The following WBP1L variants were observed in gnomAD, a reference collection of about 807,000 sequenced individuals.
The protein encoded by WBP1L is WW domain binding protein 1-like.
A neutral mutation model predicts 33.7 loss-of-function variants in WBP1L; 17 were observed. The ratio of observed to expected loss-of-function variants is 0.50; its 90% CI spans 0.34 to 0.76. The LOEUF is 0.76. Ranked by LOEUF, WBP1L falls within the 30% of genes least tolerant of loss-of-function variation. The pLI is 0.01. For missense variants in WBP1L, 389 were observed against 469.4 expected (o/e 0.83, Z 1.58); for synonymous variants, 173 against 190.8 (o/e 0.91, Z 0.77).
chr10:102,757,379 C>A (rs533819971), intron 1 of WBP1L, among the ~76,000 whole-genome samples: 2 of 152,280 alleles, frequency 1.3e-5, no homozygotes, highest in Admixed American at 6.5e-5. Context: ...GTGATGGGGT[C>A]ACCGCCAAGG....
intron 1 of WBP1L, among the ~76,000 whole-genome samples, chr10:102,766,533 G>A (rs1020014688): frequency 1.3e-4 from 20 of 151,760 alleles, no homozygotes; most frequent in African/African-American, 4.8e-4. Context: ...GAGGTGGGAG[G>A]ATTGCTTGTG....
chr10:102,788,113 G>A (rs192502448), intron 1 of WBP1L, among the ~76,000 whole-genome samples: 3 of 148,228 alleles, frequency 2.0e-5, no homozygotes, highest in South Asian at 2.1e-4. Context: ...CAGGGAGAAC[G>A]TGATCTTAAC....
At chr10:102,772,307 C>T (rs1308913913) in intron 1 of WBP1L, among the ~76,000 whole-genome samples, 8 of 127,148 alleles carry the variant, frequency 6.3e-5, no homozygotes, top group Non-Finnish European at 1.1e-4. Flanking sequence ...GTCGCCCAGG[C>T]TGGAGTGCAG....
At chr10:102,805,511 T>C (rs1843719257) in intron 2 of WBP1L, among the ~76,000 whole-genome samples, 1 of 151,830 alleles carries the variant, frequency 6.6e-6, no homozygotes, top group Non-Finnish European at 1.5e-5. Flanking sequence ...AATCCTCTCA[T>C]CTCAGCCTCC....
chr10:102,764,845 C>T (rs2134034216), intron 1 of WBP1L, among the ~76,000 whole-genome samples: 1 of 152,242 alleles, frequency 6.6e-6, no homozygotes, highest in South Asian at 2.1e-4. Flanking sequence ...CCAGCCAGAC[C>T]TTATTAACTT....
intron 2 of WBP1L, among the ~76,000 whole-genome samples, chr10:102,807,436 G>T (rs1468029849): frequency 2.0e-5 from 3 of 152,018 alleles, no homozygotes; most frequent in Non-Finnish European, 2.9e-5. Flanking sequence ...GGAGTGCAGT[G>T]GCGTGATCTC....
intron 1 of WBP1L, among the ~76,000 whole-genome samples, chr10:102,784,421 CTTTTT>C (rs35898015): frequency 1.5e-4 from 15 of 97,820 alleles, no homozygotes; most frequent in African/African-American, 3.4e-4. Context: ...GTTCTTGTTT[CTTTTT>C]TTTTTTTTTT....
chr10:102,778,941 G>A (rs970836940), intron 1 of WBP1L, among the ~76,000 whole-genome samples: 2 of 152,118 alleles, frequency 1.3e-5, no homozygotes, highest in Non-Finnish European at 2.9e-5. Flanking sequence ...GCATGCTGAG[G>A]CTTAGAGAAG....
chr10:102,793,562 C>CGG (rs1445118536), intron 1 of WBP1L, among the ~76,000 whole-genome samples: 1 of 152,076 alleles, frequency 6.6e-6, no homozygotes, highest in Non-Finnish European at 1.5e-5. Flanking sequence ...CTTCATGTGT[C>CGG]TGGAGCAGCC....
intron 1 of WBP1L, among the ~76,000 whole-genome samples, chr10:102,762,988 TG>T (rs1365296933): frequency 6.6e-6 from 1 of 152,198 alleles, no homozygotes; most frequent in Non-Finnish European, 1.5e-5. Context: ...AAGGATCACT[TG>T]AGCCCAGGAG....
intron 2 of WBP1L, among the ~76,000 whole-genome samples, chr10:102,809,625 G>A (rs1025870848): frequency 2.0e-4 from 30 of 151,962 alleles, no homozygotes; most frequent in African/African-American, 6.8e-4. Flanking sequence ...CACCCATCTT[G>A]GCCTGGGATT....
chr10:102,771,560 T>G (rs1843186958), intron 1 of WBP1L, among the ~76,000 whole-genome samples: 1 of 91,942 alleles, frequency 1.1e-5, no homozygotes, highest in African/African-American at 2.8e-5. Flanking sequence ...CCAGACATGG[T>G]GGCTCATGCC....
chr10:102,781,243 T>C (rs1342288448), intron 1 of WBP1L, among the ~76,000 whole-genome samples: 1 of 152,154 alleles, frequency 6.6e-6, no homozygotes, highest in Non-Finnish European at 1.5e-5. Context: ...CAGCTAAAGC[T>C]GCAGGGTGGA....
chr10:102,775,693 G>C (rs2482498), intron 1 of WBP1L, among the ~76,000 whole-genome samples: 78,832 of 151,938 alleles, frequency 0.52, 21,866 homozygotes, highest in Non-Finnish European at 0.62. Context: ...CCAAGCCCCC[G>C]CTGCGAATTG....
At position 102,795,234 on chromosome 10, in the gene WBP1L, G is replaced by A. The variant is rs369868497; in HGVS notation, c.91-2759G>A. 4.1e-4 allele frequency among the ~76,000 whole-genome samples: 63 copies of A among 152,284 alleles called. No individual in the cohort carries two copies. In the Middle Eastern group the frequency reaches 0.014, roughly 33 times the overall value. The stretch of plus-strand genomic sequence containing the variant: ...CAAACCATAGGCTGATGTAAGTTCC[G>A]AGCAGTTTAAGGTAAGCTAGGCTAA... On this transcript the variant is annotated intron_variant, in intron 1 of 3. Transcript: ENST00000448841.
rs536971672 is a variant in WBP1L at position 102,804,326 on chromosome 10, T to C, written c.194-5567T>C. Among the ~76,000 whole-genome samples, 20 of 139,922 alleles carry C rather than the reference T, an allele frequency of 1.4e-4. No individual in the cohort carries two copies. The East Asian group carries it at 4.0e-3, about 28-fold the overall frequency. 91.8% of individuals were successfully genotyped at this position (139,922 alleles called of 152,430 possible). A position where few individuals can be genotyped will look rare whatever the true frequency, so the allele number is the denominator to read the frequency against. On this transcript the variant is annotated intron_variant, in intron 2 of 3. Coordinates refer to ENST00000448841, the MANE Select transcript of WBP1L (RefSeq NM_001083913.2). ...TCGTTTGAACCCGAGAGGCGGAGGT[T>C]GCAGTGAGCCGAGATCACACCACTC...
intron 1 of WBP1L, among the ~76,000 whole-genome samples, chr10:102,779,071 G>T (rs1843302428): frequency 6.6e-6 from 1 of 151,918 alleles, no homozygotes; most frequent in Admixed American, 6.6e-5. Flanking sequence ...CCTAGACTGT[G>T]CGGCTCAATG....
intron 1 of WBP1L, among the ~76,000 whole-genome samples, chr10:102,779,613 AG>A (rs1424116144): frequency 6.6e-6 from 1 of 152,126 alleles, no homozygotes; most frequent in Non-Finnish European, 1.5e-5. Context: ...AAAAAAATGT[AG>A]ATTCTTTATG....
In WBP1L at chr10:102,772,558, C is replaced by CTTTTTTTTTTT. The variant is rs34624231; in HGVS notation, c.91-25416_91-25406dup. ...TTACAAGCATGAGCCATGCCCGGCC[C>CTTTTTTTTTTT]TTTTTTTTTTTTTTTTTTTTTTTTT... On this transcript the variant is annotated intron_variant, in intron 1 of 3. Coordinates refer to ENST00000448841, the MANE Select transcript of WBP1L (RefSeq NM_001083913.2). Among the ~76,000 whole-genome samples the CTTTTTTTTTTT allele has an allele frequency of 3.1e-5, 2 of 64,742 alleles. 1 individual carries two copies. The highest frequency in any genetic ancestry group is 6.1e-5 in the Non-Finnish European group (2 of 32,536). The allele number at this position is 64,742 out of a possible 152,430, so 42.5% of individuals were successfully genotyped here.
Sources: allele counts gnomAD v4.1 joint callset (sites outside exome capture counted in the v4.1 genomes callset), GRCh38; gene constraint gnomAD v4.1.1; transcripts MANE v1.5; gene names NCBI Gene and HGNC (gene_info 2026-07-23, HGNC 2026-07-21).